The following HTT variants were observed in gnomAD, a reference collection of about 807,000 sequenced individuals.
HTT encodes huntingtin.
In HTT, 104 loss-of-function variants were observed where a neutral mutation model predicts 362.3. That is an observed-to-expected ratio of 0.29 (90% confidence interval 0.24 to 0.34). The LOEUF is 0.34. Among genes scored for constraint, HTT ranks in the 10% least tolerant of loss-of-function variants. HTT has a pLI of 1.00. For missense variants in HTT, 3,301 were observed against 3,928.6 expected, an observed-to-expected ratio of 0.84 and a Z score of 4.27; for synonymous variants, 1,577 against 1,548.7, an observed-to-expected ratio of 1.02 and a Z score of -0.43.
intron 2 of HTT, among the ~76,000 whole-genome samples, chr4:3,089,853 G>A (rs1222860859): frequency 1.3e-5 from 2 of 152,196 alleles, no homozygotes; most frequent in Non-Finnish European, 2.9e-5. Flanking sequence ...AATAATAGCT[G>A]TTAATGGTTT....
At chr4:3,183,473 A>G (rs142334262) in intron 37 of HTT, among the ~76,000 whole-genome samples, 53 of 152,388 alleles carry the variant, frequency 3.5e-4, no homozygotes, top group Non-Finnish European at 6.2e-4. Context: ...ATTATACACA[A>G]TAAACAACTA....
intron 3 of HTT, among the ~76,000 whole-genome samples, chr4:3,102,569 G>C (rs1196279998): frequency 6.6e-6 from 1 of 152,224 alleles, no homozygotes; most frequent in Non-Finnish European, 1.5e-5. Flanking sequence ...CCCAGAATGT[G>C]ATCTGGTTTT....
chr4:3,228,498 T>A lies in HTT; in HGVS notation c.7849-117T>A, dbSNP rs1721030360. ...TAACCTGGGGTGTCTGAACGACCCT[T>A]GCTAAGGGGCAGACTGTTAGACGGT... is the stretch of plus-strand genomic sequence containing the variant. On this transcript the variant is annotated intron_variant, in intron 57 of 66. Transcript: ENST00000355072. The surrounding 1 kb of genome is among the most constrained non-coding windows in gnomAD (Gnocchi z 4.3). 1 of 1,236,214 alleles carries A rather than the reference T, an allele frequency of 8.1e-7. No individual in the cohort carries two copies. Among genetic ancestry groups the A allele is most frequent in the Non-Finnish European group, 1.1e-6 (1 of 910,968 alleles). The allele number at this position is 1,236,214 out of a possible 1,614,324, so 76.6% of individuals were successfully genotyped here.
At chr4:3,084,246 C>T (rs1016223823) in intron 1 of HTT, among the ~76,000 whole-genome samples, 4 of 144,318 alleles carry the variant, frequency 2.8e-5, no homozygotes, top group African/African-American at 1.0e-4. Context: ...GCTCTGTTGC[C>T]CAGGCTGGAG....
At chr4:3,115,917 C>T (rs1714998482) in intron 7 of HTT, among the ~76,000 whole-genome samples, 168 bp from the exon 8 acceptor site, 1 of 152,206 alleles carries the variant, frequency 6.6e-6, no homozygotes, top group Admixed American at 6.5e-5. Context: ...CCTTGCTGAG[C>T]TAGGGATGTG....
chr4:3,151,392 G>A (rs1716884920), intron 26 of HTT, among the ~76,000 whole-genome samples: 1 of 151,998 alleles, frequency 6.6e-6, no homozygotes, highest in Non-Finnish European at 1.5e-5. Flanking sequence ...GAAAAAGAAA[G>A]ATTGAGAGGG....
At chr4:3,172,461 C>A in intron 30 of HTT, 64 bp downstream of exon 30, 1 of 1,037,542 alleles carries the variant, frequency 9.6e-7, no homozygotes, top group South Asian at 1.3e-5. Context: ...AACGCTGCTA[C>A]TCCTTAAGAG....
At chr4:3,075,120 C>T in intron 1 of HTT, 32 bp downstream of exon 1, 2 of 1,216,874 alleles carry the variant, frequency 1.6e-6, no homozygotes, top group Non-Finnish European at 2.0e-6. Flanking sequence ...CTCCCTGTCC[C>T]GGCGGGTCCC....
intron 26 of HTT, among the ~76,000 whole-genome samples, chr4:3,151,571 A>G (rs1365799008): frequency 2.0e-5 from 3 of 152,202 alleles, no homozygotes; most frequent in African/African-American, 4.8e-5. Flanking sequence ...GGGTGGGGAC[A>G]CAGAGCCAAA....
chr4:3,187,841 G>A lies in HTT; in HGVS notation c.5180G>A (p.Ser1727Asn), dbSNP rs554453838. Reference sequence around the variant, plus strand: ...AGTACTTCAACGCTAGAAGAACACAGTGAAGGGAAACAAATAAAGAATTTG... The same window carrying A: ...AGTACTTCAACGCTAGAAGAACACAATGAAGGGAAACAAATAAAGAATTTG... Reference protein sequence around the residue: ...GDSTSTLEEHSEGKQIKNLPE... With the variant: ...GDSTSTLEEHNEGKQIKNLPE... Residue 1727 changes from serine to asparagine, a missense_variant, in exon 39 of 67, where the codon AGT becomes AAT. This residue lies in a region of HTT where 2,316 missense variants were observed against 2,658.5 expected (regional missense o/e 0.87). Coordinates refer to ENST00000355072, the MANE Select transcript of HTT (RefSeq NM_001388492.1). The A allele has an allele frequency of 6.2e-6, 10 of 1,613,166 alleles. No individual in the cohort carries two copies. The highest frequency in any genetic ancestry group is 5.5e-5 in the South Asian group (5 of 91,044).
At chr4:3,113,751 GAGTCCTGTGGCTGGGGGGTGGGGT>G (rs1237183131) in intron 6 of HTT, among the ~76,000 whole-genome samples, 4 of 152,146 alleles carry the variant, frequency 2.6e-5, no homozygotes, top group Non-Finnish European at 5.9e-5. Context: ...GCCACTGGGG[GAGTCCTGTGGCTGGGGGGTGGGGT>G]AGTCCTGTGG....
intron 60 of HTT, 123 bp downstream of exon 60, chr4:3,230,165 G>T: frequency 1.3e-6 from 1 of 767,712 alleles, no homozygotes; most frequent in Non-Finnish European, 2.2e-6. Flanking sequence ...ACCCGAACCG[G>T]ACTCCACGGC....
intron 37 of HTT, among the ~76,000 whole-genome samples, chr4:3,184,241 G>A (rs1353585237): frequency 6.6e-6 from 1 of 152,056 alleles, no homozygotes; most frequent in Admixed American, 6.5e-5. Flanking sequence ...TCCAGGCAGA[G>A]CAAATAGCAG....
Position 3,189,000 on chromosome 4 carries a change from C to A in HTT, c.5275C>A (p.Gln1759Lys), listed in dbSNP as rs766761435. 6.2e-7 allele frequency: 1 copy of A among 1,614,070 alleles called. No individual in the cohort carries two copies. The highest frequency in any genetic ancestry group is 8.5e-7 in the Non-Finnish European group (1 of 1,179,926). ...GILLEDIVTK[Q>K]LKVEMSEQQH... ...TCTTTTAGAAGACATTGTTACAAAA[C>A]AGCTGAAGGTGGAAATGAGTGAGCA... Residue 1759 changes from glutamine (Q) to lysine (K), a missense_variant, in exon 40 of 67, where the codon CAG becomes AAG. Physicochemically the swap from Gln to Lys is moderately conservative, Grantham distance 53 (BLOSUM62 1). Transcript: ENST00000355072.
At chr4:3,097,998 A>G (rs34659090) in intron 2 of HTT, among the ~76,000 whole-genome samples, 5,633 of 152,344 alleles carry the variant, frequency 0.037, 159 homozygotes, top group South Asian at 0.068. Context: ...CATTAATTAC[A>G]TGTTGAAATA....
In HTT at chr4:3,172,337, A is replaced by G; in HGVS notation, c.3882A>G (p.Leu1294=). 6.2e-7 allele frequency: 1 copy of G among 1,606,126 alleles called. No homozygotes were observed. The highest frequency in any genetic ancestry group is 8.5e-7 in the Non-Finnish European group (1 of 1,172,790). ...QDIGKCVEEI[L]GYLKSCFSRE... The stretch of plus-strand genomic sequence containing the variant: ...TTCTACAGTGTGTTGAAGAGATCCT[A>G]GGATACCTGAAATCCTGCTTTAGTC... Residue 1294 remains leucine, a synonymous_variant, in exon 30 of 67, where the codon CTA becomes CTG. Transcript: ENST00000355072.
intron 1 of HTT, among the ~76,000 whole-genome samples, chr4:3,084,177 C>T (rs1388760557): frequency 1.4e-5 from 2 of 144,648 alleles, no homozygotes; most frequent in African/African-American, 5.1e-5. Context: ...CAGGGGAATA[C>T]TTGTAATGGA....
intron 41 of HTT, among the ~76,000 whole-genome samples, chr4:3,200,263 C>A (rs972068333): frequency 4.6e-5 from 7 of 152,270 alleles, no homozygotes; most frequent in Admixed American, 3.3e-4. Flanking sequence ...TAAATTGGTT[C>A]CATAGCCAGA....
rs775917616 is a variant in HTT at position 3,145,130 on chromosome 4, T to C, written c.3067-22T>C. ...AACCTTTGTGGTGTTTGGGTGTGAT[T>C]TTATTGTTTCTTTCTTCTCAGTTTG... is the stretch of plus-strand genomic sequence containing the variant. On this transcript the variant is annotated intron_variant, in intron 23 of 66. Transcript: ENST00000355072. The C allele has an allele frequency of 1.1e-5, 17 of 1,580,776 alleles. No individual in the cohort carries two copies. In the Admixed American group the frequency reaches 2.7e-4, roughly 25 times the overall value.
Sources: gnomAD v4.1 joint callset for allele counts (sites outside exome capture counted in the v4.1 genomes callset) on GRCh38, gnomAD v4.1.1 for gene constraint, gnomAD v4.1.1 regional missense constraint, Gnocchi (gnomAD v3.1) non-coding constraint, MANE v1.5 for transcripts, NCBI Gene and HGNC (gene_info 2026-07-23, HGNC 2026-07-21) for gene names.